Variants in INPP4B observed in about 807,000 individuals in gnomAD.
The protein encoded by INPP4B is inositol polyphosphate-4-phosphatase type II B.
A neutral mutation model predicts 122.5 loss-of-function variants in INPP4B; 55 were observed. The ratio of observed to expected loss-of-function variants is 0.45; its 90% CI spans 0.36 to 0.56. The LOEUF (loss-of-function observed/expected upper bound fraction) is 0.56. Ranked by LOEUF, INPP4B falls within the 20% of genes least tolerant of loss-of-function variation. INPP4B has a pLI of 0.00. For synonymous variants in INPP4B, 403 were observed against 388.7 expected (o/e 1.04, Z -0.43); for missense variants, 1,000 against 1,097.7 (o/e 0.91, Z 1.26).
chr4:142,682,941 T>C (rs1387418540), intron 2 of INPP4B, among the ~76,000 whole-genome samples: 1 of 151,964 alleles, frequency 6.6e-6, no homozygotes, highest in Admixed American at 6.6e-5. Context: ...AATTATATAT[T>C]ATGTATATGC....
intron 16 of INPP4B, among the ~76,000 whole-genome samples, chr4:142,161,675 C>T (rs1418319087): frequency 6.6e-6 from 1 of 151,860 alleles, no homozygotes; most frequent in African/African-American, 2.4e-5. Context: ...TCTAAATCTT[C>T]TCGTTGACAG....
chr4:142,293,609 A>G (rs1358211037), intron 9 of INPP4B, among the ~76,000 whole-genome samples: 4 of 152,132 alleles, frequency 2.6e-5, no homozygotes, highest in African/African-American at 9.7e-5. Context: ...TCTTCCATGA[A>G]TTAAACAGTA....
chr4:142,191,278 T>A (rs1377845932), intron 15 of INPP4B, among the ~76,000 whole-genome samples: 1 of 152,116 alleles, frequency 6.6e-6, no homozygotes, highest in Non-Finnish European at 1.5e-5. Context: ...TGCCACAGAA[T>A]TTCTCAATGC....
chr4:142,838,600 T>C (rs1783110520), intron 1 of INPP4B, among the ~76,000 whole-genome samples: 1 of 152,012 alleles, frequency 6.6e-6, no homozygotes, highest in Non-Finnish European at 1.5e-5. Flanking sequence ...ATTAAGAAAA[T>C]TATACATATG....
At chr4:142,809,039 G>T (rs1021621327) in intron 1 of INPP4B, among the ~76,000 whole-genome samples, 1 of 151,938 alleles carries the variant, frequency 6.6e-6, no homozygotes, top group African/African-American at 2.4e-5. Context: ...AAACCTTATT[G>T]TATGTTAACC....
intron 1 of INPP4B, among the ~76,000 whole-genome samples, chr4:142,729,512 T>TA (rs141171897): frequency 4.0e-5 from 3 of 75,556 alleles, no homozygotes; most frequent in African/African-American, 1.5e-4. Context: ...AATATAGCAG[T>TA]GGAAAAAGGA....
intron 7 of INPP4B, among the ~76,000 whole-genome samples, chr4:142,388,946 C>T (rs1796812158): frequency 6.6e-6 from 1 of 152,098 alleles, no homozygotes; most frequent in South Asian, 2.1e-4. Context: ...CACCCTAAAG[C>T]CAGTATCCAA....
chr4:142,373,765 A>G (rs1187942670), intron 7 of INPP4B, among the ~76,000 whole-genome samples: 1 of 152,024 alleles, frequency 6.6e-6, no homozygotes, highest in Non-Finnish European at 1.5e-5. Flanking sequence ...TTTTAATATA[A>G]ATAAAGAGTC....
chr4:142,823,943 A>G (rs1448730282), intron 1 of INPP4B, among the ~76,000 whole-genome samples: 1 of 152,144 alleles, frequency 6.6e-6, no homozygotes, highest in African/African-American at 2.4e-5. Flanking sequence ...CTGAGTAAAA[A>G]AGATCGACCC....
intron 3 of INPP4B, among the ~76,000 whole-genome samples, chr4:142,432,584 G>C (rs1040257058): frequency 2.6e-5 from 4 of 152,084 alleles, no homozygotes; most frequent in African/African-American, 9.7e-5. Flanking sequence ...CAGCGATCAT[G>C]CTTCCTAATT....
chr4:142,116,968 G>A (rs1394361437), intron 21 of INPP4B, among the ~76,000 whole-genome samples: 1 of 152,102 alleles, frequency 6.6e-6, no homozygotes, highest in African/African-American at 2.4e-5. Flanking sequence ...AACAAAAAAT[G>A]ATAAAGGGGA....
intron 2 of INPP4B, among the ~76,000 whole-genome samples, chr4:142,582,838 C>T (rs1485842080): frequency 6.6e-6 from 1 of 152,090 alleles, no homozygotes; most frequent in Non-Finnish European, 1.5e-5. Flanking sequence ...CCCTATAAAA[C>T]CAAAATGATT....
chr4:142,123,529 A>G, intron 19 of INPP4B, 114 bp from the exon 20 acceptor site: 1 of 957,444 alleles, frequency 1.0e-6, no homozygotes, highest in Non-Finnish European at 1.5e-6. Flanking sequence ...TATGTATAAC[A>G]AAACTACAAC....
At chr4:142,230,444 G>A (rs931518571) in intron 12 of INPP4B, among the ~76,000 whole-genome samples, 30 of 152,046 alleles carry the variant, frequency 2.0e-4, no homozygotes, top group African/African-American at 6.7e-4. Flanking sequence ...TGGGGAGTTC[G>A]AGAACAGCCT....
intron 2 of INPP4B, among the ~76,000 whole-genome samples, chr4:142,635,698 G>T (rs1001920447): frequency 4.6e-5 from 7 of 152,050 alleles, no homozygotes; most frequent in Non-Finnish European, 1.0e-4. Flanking sequence ...AGATACTTGG[G>T]TCTACTTGAG....
intron 2 of INPP4B, among the ~76,000 whole-genome samples, chr4:142,488,970 C>T (rs1821521484): frequency 6.6e-6 from 1 of 151,960 alleles, no homozygotes; most frequent in Non-Finnish European, 1.5e-5. Context: ...AGTGTGCTAT[C>T]TTTTGTATTT....
intron 14 of INPP4B, 95 bp downstream of exon 14, chr4:142,208,330 T>C (rs1843404450): frequency 5.5e-6 from 3 of 542,074 alleles, no homozygotes; most frequent in South Asian, 4.2e-5. Flanking sequence ...CTTTATATAA[T>C]TGTTAAACTT....
intron 17 of INPP4B, among the ~76,000 whole-genome samples, chr4:142,157,132 A>T (rs555330693): frequency 3.0e-4 from 45 of 152,238 alleles, no homozygotes; most frequent in African/African-American, 9.6e-4. Context: ...TAAAAAAGGG[A>T]GTATACAAAG....
chr4:142,080,991 C>G (rs1345340679), intron 25 of INPP4B, among the ~76,000 whole-genome samples: 1 of 152,132 alleles, frequency 6.6e-6, no homozygotes, highest in Non-Finnish European at 1.5e-5. Flanking sequence ...CATCCTCACA[C>G]ATTTATCAAA....
Sources: gnomAD v4.1 joint callset for allele counts (sites outside exome capture counted in the v4.1 genomes callset) on GRCh38, gnomAD v4.1.1 for gene constraint, MANE v1.5 for transcripts, NCBI Gene and HGNC (gene_info 2026-07-23, HGNC 2026-07-21) for gene names.